Variants in EXOC2 observed in about 807,000 individuals in gnomAD.
EXOC2 encodes exocyst complex component 2.
EXOC2 carries 70 observed loss-of-function variants against 131.8 expected under a neutral mutation model. The observed-to-expected ratio is 0.53, with a 90% CI of 0.44 to 0.65. EXOC2 has a LOEUF of 0.65. Ranked by LOEUF, EXOC2 falls within the 30% of genes least tolerant of loss-of-function variation. The pLI is 0.00. For missense variants in EXOC2, 923 were observed against 1,108.6 expected, an observed-to-expected ratio of 0.83 and a Z score of 2.38; for synonymous variants, 411 against 398.4, an observed-to-expected ratio of 1.03 and a Z score of -0.38.
intron 1 of EXOC2, among the ~76,000 whole-genome samples, chr6:661,277 A>G (rs773438336): frequency 6.6e-6 from 1 of 152,228 alleles, no homozygotes; most frequent in Admixed American, 6.5e-5. Context: ...TCCAAATACA[A>G]GAAGCACAAA....
chr6:570,908 C>T (rs902678293), intron 13 of EXOC2, among the ~76,000 whole-genome samples: 1 of 152,162 alleles, frequency 6.6e-6, no homozygotes, highest in Non-Finnish European at 1.5e-5. Context: ...GAAGCTGGTG[C>T]CTGCGGTGCC....
chr6:547,539 G>C (rs979575150), intron 22 of EXOC2, among the ~76,000 whole-genome samples: 5 of 152,208 alleles, frequency 3.3e-5, no homozygotes, highest in African/African-American at 1.2e-4. Context: ...GTCTTTTGGA[G>C]GGAAAACTAT....
intron 23 of EXOC2, among the ~76,000 whole-genome samples, chr6:514,687 C>G (rs567861375): frequency 2.0e-5 from 3 of 152,292 alleles, no homozygotes; most frequent in African/African-American, 7.2e-5. Context: ...GGGGTCGCCC[C>G]TGGGGCAGAT....
At chr6:502,129 G>C (rs1251768495) in intron 23 of EXOC2, among the ~76,000 whole-genome samples, 3 of 152,146 alleles carry the variant, frequency 2.0e-5, no homozygotes, top group Admixed American at 1.3e-4. Flanking sequence ...TGGAGGACCA[G>C]CTCATGTAGA....
intron 26 of EXOC2, among the ~76,000 whole-genome samples, chr6:489,684 G>C (rs751513741): frequency 2.0e-5 from 3 of 152,214 alleles, no homozygotes; most frequent in Non-Finnish European, 4.4e-5. Flanking sequence ...AGGGGAGACT[G>C]TGGTAATTAA....
At chr6:686,974 A>G (rs1408530575) in intron 1 of EXOC2, among the ~76,000 whole-genome samples, 1 of 152,176 alleles carries the variant, frequency 6.6e-6, no homozygotes, top group African/African-American at 2.4e-5. Flanking sequence ...AGAGCACAGC[A>G]TTATTTATTC....
At chr6:545,063 C>T (rs1440005003) in intron 22 of EXOC2, among the ~76,000 whole-genome samples, 6 of 141,234 alleles carry the variant, frequency 4.2e-5, no homozygotes, top group Non-Finnish European at 7.6e-5. Flanking sequence ...AGGAGAATGG[C>T]GTGAACCCGG....
chr6:522,230 T>A (rs1169633437), intron 23 of EXOC2, among the ~76,000 whole-genome samples: 1 of 151,688 alleles, frequency 6.6e-6, no homozygotes, highest in Admixed American at 6.6e-5. Flanking sequence ...GGTGAAATGA[T>A]GGTACAGCAA....
chr6:669,776 G>A (rs1468844966), intron 1 of EXOC2: 3 of 152,222 alleles, frequency 2.0e-5, no homozygotes, highest in Non-Finnish European at 4.4e-5. Flanking sequence ...AATGAGTCCA[G>A]AATTTCCCTT....
At chr6:611,231 T>C (rs1229646402) in intron 6 of EXOC2, among the ~76,000 whole-genome samples, 1 of 152,228 alleles carries the variant, frequency 6.6e-6, no homozygotes, top group African/African-American at 2.4e-5. Flanking sequence ...AAGACTTCCA[T>C]GCTGCATGTG....
At chr6:487,933 C>A (rs754123216) in intron 27 of EXOC2, among the ~76,000 whole-genome samples, 19 of 152,218 alleles carry the variant, frequency 1.2e-4, no homozygotes, top group Non-Finnish European at 2.2e-4. Context: ...CCCTGTTCCA[C>A]ATATGAAACG....
chr6:577,225 A>T (rs1758633180), intron 11 of EXOC2, among the ~76,000 whole-genome samples: 1 of 152,114 alleles, frequency 6.6e-6, no homozygotes, highest in Admixed American at 6.5e-5. Context: ...TTGTAGCATA[A>T]ATCTCCTCTG....
chr6:556,638 T>C, intron 17 of EXOC2, 74 bp from the exon 18 acceptor site: 2 of 1,501,760 alleles, frequency 1.3e-6, no homozygotes, highest in Non-Finnish European at 9.2e-7. Context: ...CACAAGCGAA[T>C]ATGGCCCCAA....
chr6:549,717 A>G (rs1757047364), intron 21 of EXOC2, among the ~76,000 whole-genome samples: 1 of 152,264 alleles, frequency 6.6e-6, no homozygotes, highest in Non-Finnish European at 1.5e-5. Flanking sequence ...AAACTATTAT[A>G]AAGTAGTTTA....
chr6:572,658 GA>G lies in EXOC2; in HGVS notation c.1319-15del. On this transcript the variant is annotated splice_polypyrimidine_tract_variant and intron_variant, in intron 12 of 27. Transcript: ENST00000230449. The stretch of plus-strand genomic sequence containing the variant: ...TGTATCTCCACGCTAAGGGGGAAAA[GA>G]ATAAAATACTATGATTGTACTTCTG... 1 of 1,609,636 alleles carries G rather than the reference GA, an allele frequency of 6.2e-7. No homozygotes were observed. The highest frequency in any genetic ancestry group is 1.1e-5 in the South Asian group (1 of 90,478).
chr6:566,715 C>T (rs969673842), intron 13 of EXOC2, among the ~76,000 whole-genome samples: 5 of 152,020 alleles, frequency 3.3e-5, no homozygotes, highest in African/African-American at 9.7e-5. Flanking sequence ...CTGTCTATAC[C>T]GTCTAGTTTG....
chr6:665,563 CTG>C (rs776910653), intron 1 of EXOC2, among the ~76,000 whole-genome samples: 31 of 152,102 alleles, frequency 2.0e-4, no homozygotes, highest in Non-Finnish European at 3.8e-4. Context: ...GATAAAGAAA[CTG>C]TGGTATATAT....
intron 22 of EXOC2, among the ~76,000 whole-genome samples, chr6:535,770 G>C (rs181333441): frequency 1.5e-3 from 234 of 152,220 alleles, no homozygotes; most frequent in Non-Finnish European, 2.6e-3. Flanking sequence ...TAGAATAGAG[G>C]CTGAAAGCAT....
At chr6:658,653 A>ATATATATATTT (rs1763259665) in intron 1 of EXOC2, among the ~76,000 whole-genome samples, 1 of 77,270 alleles carries the variant, frequency 1.3e-5, no homozygotes, top group Non-Finnish European at 2.9e-5. Context: ...TTTTATATAT[A>ATATATATATTT]TATATATATA....
Sources: allele counts gnomAD v4.1 joint callset (sites outside exome capture counted in the v4.1 genomes callset), GRCh38; gene constraint gnomAD v4.1.1; transcripts MANE v1.5; gene names NCBI Gene and HGNC (gene_info 2026-07-23, HGNC 2026-07-21).